ABTB2: variants seen among roughly 807,000 people sequenced by gnomAD.
ABTB2 encodes the protein ankyrin repeat and BTB domain containing 2, also known as ankyrin repeat and BTB/POZ domain-containing protein 2.
Under a neutral mutation model 104.1 loss-of-function variants are expected in ABTB2, and 56 were observed. The observed-to-expected ratio is 0.54, with a 90% CI of 0.43 to 0.67. ABTB2 has a LOEUF of 0.67. ABTB2 is among the 30% of genes least tolerant of loss of function. The pLI is 0.00. For missense variants in ABTB2, 1,279 were observed against 1,407.7 expected, an observed-to-expected ratio of 0.91 and a Z score of 1.46; for synonymous variants, 606 against 608.2, an observed-to-expected ratio of 1.00 and a Z score of 0.05.
At chr11:34,178,473 G>T (rs982103845) in intron 3 of ABTB2, among the ~76,000 whole-genome samples, 9 of 152,212 alleles carry the variant, frequency 5.9e-5, no homozygotes, top group Non-Finnish European at 1.2e-4. Flanking sequence ...ATCTGCAACA[G>T]CGTGGCTGTG....
At chr11:34,334,833 C>T (rs566064964) in intron 1 of ABTB2, among the ~76,000 whole-genome samples, 1 of 151,704 alleles carries the variant, frequency 6.6e-6, no homozygotes, top group East Asian at 1.9e-4. Context: ...AAAACTGAGG[C>T]CTTTTTCCAA....
At chr11:34,216,284 G>A (rs1238898094) in intron 1 of ABTB2, among the ~76,000 whole-genome samples, 1 of 152,164 alleles carries the variant, frequency 6.6e-6, no homozygotes, top group Non-Finnish European at 1.5e-5. Flanking sequence ...ATGATGAGCA[G>A]GTATCAGTCT....
chr11:34,172,036 A>C (rs1852881852), intron 4 of ABTB2, among the ~76,000 whole-genome samples: 1 of 152,036 alleles, frequency 6.6e-6, no homozygotes, highest in South Asian at 2.1e-4. Flanking sequence ...CTTCCGTATG[A>C]AGACAGAGGA....
chr11:34,327,426 T>A (rs1053194312), intron 1 of ABTB2, among the ~76,000 whole-genome samples: 3 of 152,104 alleles, frequency 2.0e-5, no homozygotes, highest in African/African-American at 7.2e-5. Flanking sequence ...TCCACCCCCC[T>A]AGCCACTTGA....
rs965562078 is a variant in ABTB2, at chr11:34,279,545, C to T, written c.884-74855G>A. On this transcript the variant is annotated intron_variant, in intron 1 of 16. Transcript: ENST00000435224. ...AGAATCTGAACTCAGATCTATTTGG[C>T]GTCATAGCCTGAGCTTCCCCAACCT... Among the ~76,000 whole-genome samples, 5 of 152,176 alleles carry T rather than the reference C, an allele frequency of 3.3e-5. 1 individual carries two copies. Among genetic ancestry groups the T allele is most frequent in the Admixed American group, 2.0e-4 (3 of 15,274 alleles).
At chr11:34,192,820 G>A (rs75329075) in intron 3 of ABTB2, among the ~76,000 whole-genome samples, 12,526 of 152,296 alleles carry the variant, frequency 0.082, 801 homozygotes, top group East Asian at 0.34. Context: ...AGGTTCTGAT[G>A]TGGAGAAATG....
chr11:34,215,140 G>T (rs1853535071), intron 1 of ABTB2, among the ~76,000 whole-genome samples: 1 of 152,220 alleles, frequency 6.6e-6, no homozygotes, highest in Admixed American at 6.5e-5. Flanking sequence ...TCATTCTACA[G>T]CTACAGTGGC....
At chr11:34,205,132 C>A (rs1356344991) in intron 1 of ABTB2, among the ~76,000 whole-genome samples, 1 of 152,178 alleles carries the variant, frequency 6.6e-6, no homozygotes, top group Non-Finnish European at 1.5e-5. Context: ...TCTGGGGTGA[C>A]AAAGAGACCT....
chr11:34,246,847 CTTT>C (rs199831054), intron 1 of ABTB2, among the ~76,000 whole-genome samples: 12 of 118,268 alleles, frequency 1.0e-4, no homozygotes, highest in East Asian at 2.4e-4. Flanking sequence ...TTTCTTTTTT[CTTT>C]TTTTTTTTTT....
chr11:34,161,309 T>G (rs1439621255), intron 10 of ABTB2, among the ~76,000 whole-genome samples: 1 of 149,822 alleles, frequency 6.7e-6, no homozygotes, highest in Non-Finnish European at 1.5e-5. Context: ...CAGGTCAGAG[T>G]GGAGTTTCAG....
chr11:34,277,799 CT>C (rs1163442976), intron 1 of ABTB2, among the ~76,000 whole-genome samples: 13,009 of 120,406 alleles, frequency 0.11, 652 homozygotes, highest in African/African-American at 0.13. Flanking sequence ...AACAGATTCT[CT>C]TTTTTTTTTT....
intron 10 of ABTB2, among the ~76,000 whole-genome samples, chr11:34,161,654 A>T (rs1338743916): frequency 1.3e-5 from 2 of 152,140 alleles, no homozygotes; most frequent in Admixed American, 1.3e-4. Context: ...CAGGCACATA[A>T]TGACTGTTTT....
chr11:34,309,747 G>C (rs1262232649), intron 1 of ABTB2, among the ~76,000 whole-genome samples: 2 of 151,236 alleles, frequency 1.3e-5, no homozygotes, highest in African/African-American at 2.4e-5. Context: ...TGTTCCTTTA[G>C]AAAACAGTAC....
chr11:34,176,326 T>C (rs1434489545), intron 3 of ABTB2, among the ~76,000 whole-genome samples: 1 of 150,590 alleles, frequency 6.6e-6, no homozygotes. Context: ...CTTCCTGCTC[T>C]GAGATCACTG....
chr11:34,269,549 A>G (rs1590235650), intron 1 of ABTB2, among the ~76,000 whole-genome samples: 1 of 151,846 alleles, frequency 6.6e-6, no homozygotes, highest in Non-Finnish European at 1.5e-5. Context: ...CTCTCTCACA[A>G]CTCCCCACCT....
chr11:34,318,934 G>A (rs56088436), intron 1 of ABTB2, among the ~76,000 whole-genome samples: 10 of 152,282 alleles, frequency 6.6e-5, no homozygotes, highest in Non-Finnish European at 1.3e-4. Context: ...AAGGAAGCTT[G>A]CATGCCTTTC....
intron 14 of ABTB2, among the ~76,000 whole-genome samples, chr11:34,158,027 G>T (rs1360976183): frequency 6.6e-6 from 1 of 152,148 alleles, no homozygotes; most frequent in African/African-American, 2.4e-5. Flanking sequence ...TACCTCCCTG[G>T]AACTGTGCTG....
chr11:34,160,117 G>T, intron 12 of ABTB2, 109 bp from the exon 13 acceptor site: 1 of 1,242,536 alleles, frequency 8.0e-7, no homozygotes, highest in Non-Finnish European at 1.2e-6. Flanking sequence ...ACACAGAGGT[G>T]AGGAACAGAG....
chr11:34,263,331 T>C (rs974333498), intron 1 of ABTB2, among the ~76,000 whole-genome samples: 1 of 152,052 alleles, frequency 6.6e-6, no homozygotes, highest in Admixed American at 6.5e-5. Context: ...AAAGGCTCTG[T>C]GGGGGAAATA....
Sources: gnomAD v4.1 joint callset for allele counts (sites outside exome capture counted in the v4.1 genomes callset) on GRCh38, gnomAD v4.1.1 for gene constraint, MANE v1.5 for transcripts, NCBI Gene and HGNC (gene_info 2026-07-23, HGNC 2026-07-21) for gene names.